The following CDH19 variants were observed in gnomAD, a reference collection of about 807,000 sequenced individuals.
The protein encoded by CDH19 is cadherin-19.
Under a neutral mutation model 64.2 loss-of-function variants are expected in CDH19, and 67 were observed. The observed-to-expected ratio is 1.04, with a 90% CI of 0.86 to 1.28. The LOEUF (loss-of-function observed/expected upper bound fraction) is 1.28. CDH19 is among the 50% of genes most tolerant of loss of function. The pLI, the probability that CDH19 is intolerant of heterozygous loss-of-function variation, is 0.00. For missense variants in CDH19, 1,030 were observed against 929.0 expected, an observed-to-expected ratio of 1.11 and a Z score of -1.41; for synonymous variants, 346 against 319.3, an observed-to-expected ratio of 1.08 and a Z score of -0.89.
chr18:66,528,688 T>A (rs990191357), intron 9 of CDH19, among the ~76,000 whole-genome samples: 3 of 152,130 alleles, frequency 2.0e-5, no homozygotes, highest in African/African-American at 7.2e-5. Context: ...TGTTGCAGTT[T>A]AATAATCAGT....
At chr18:66,560,985 C>T (rs1987701004) in intron 3 of CDH19, among the ~76,000 whole-genome samples, 1 of 151,996 alleles carries the variant, frequency 6.6e-6, no homozygotes, top group African/African-American at 2.4e-5. Context: ...AAGATTTTAA[C>T]ATTAAATATA....
At chr18:66,602,167 A>G (rs1230370914) in intron 1 of CDH19, among the ~76,000 whole-genome samples, 1 of 152,018 alleles carries the variant, frequency 6.6e-6, no homozygotes, top group East Asian at 1.9e-4. Context: ...AAAGATCAAT[A>G]TCTCCTTTTA....
At chr18:66,549,791 GCA>G (rs1314242787) in intron 5 of CDH19, among the ~76,000 whole-genome samples, 1 of 151,942 alleles carries the variant, frequency 6.6e-6, no homozygotes, top group East Asian at 1.9e-4. Context: ...TTGTGTGTGC[GCA>G]CACACATTAA....
intron 5 of CDH19, among the ~76,000 whole-genome samples, chr18:66,545,387 C>CCTTT (rs1031476171): frequency 4.7e-5 from 7 of 148,258 alleles, no homozygotes; most frequent in African/African-American, 1.8e-4. Context: ...TTCTCTTTTT[C>CCTTT]CTTTCTTTCT....
At chr18:66,545,227 C>T (rs1232939107) in intron 5 of CDH19, among the ~76,000 whole-genome samples, 1 of 152,002 alleles carries the variant, frequency 6.6e-6, no homozygotes, top group Non-Finnish European at 1.5e-5. Flanking sequence ...ATCCACCTGC[C>T]TCGGCCTCCC....
intron 9 of CDH19, among the ~76,000 whole-genome samples, chr18:66,525,266 T>G (rs1598980631): frequency 1.3e-5 from 2 of 152,216 alleles, no homozygotes; most frequent in East Asian, 3.9e-4. Flanking sequence ...AAAAACTACT[T>G]ATACAGAGAT....
chr18:66,505,247 A>C lies in CDH19; in HGVS notation c.1884T>G (p.Pro628=), dbSNP rs1032154631. The change falls in exon 12 of 12, where the codon CCT becomes CCG. Residue 628 remains proline, a synonymous_variant. Transcript: ENST00000262150. ...LKQRRKQILF[P]EKSEDFRENI... Reference sequence around the variant, plus strand: ...TCTCTCTGAAATCTTCACTTTTCTCAGGAAATAGAATCTGTTTTCTCCGTT... The same window carrying C: ...TCTCTCTGAAATCTTCACTTTTCTCCGGAAATAGAATCTGTTTTCTCCGTT... 1 of 1,596,528 alleles carries C rather than the reference A, an allele frequency of 6.3e-7. No homozygotes were observed. Among genetic ancestry groups the C allele is most frequent in the Non-Finnish European group, 8.5e-7 (1 of 1,174,738 alleles).
chr18:66,572,010 C>A lies in CDH19; in HGVS notation c.195G>T (p.Gln65His). The A allele has an allele frequency of 6.2e-7, 1 of 1,602,538 alleles. No individual in the cohort carries two copies. The highest frequency in any genetic ancestry group is 8.5e-7 in the Non-Finnish European group (1 of 1,171,846). The change falls in exon 2 of 12, where the codon CAG (glutamine) becomes CAT (histidine). Residue 65 changes from glutamine to histidine, a missense_variant and splice_region_variant. Physicochemically the swap from Gln to His is conservative, Grantham distance 24. Transcript: ENST00000262150. Reference sequence around the variant, plus strand: ...TGTAACATTTTAAATAAATAAGTACCTGGCCGATGTGATGACTAGTCGTAT... The same window carrying A: ...TGTAACATTTTAAATAAATAAGTACATGGCCGATGTGATGACTAGTCGTAT... ...EMNTTSHHIG[Q>H]LRSDLDNGNN...
chr18:66,526,498 T>A (rs949152269), intron 9 of CDH19, among the ~76,000 whole-genome samples: 3 of 152,102 alleles, frequency 2.0e-5, no homozygotes, highest in Non-Finnish European at 4.4e-5. Flanking sequence ...ATTTTTGTGG[T>A]TGTTATAGAG....
chr18:66,554,516 C>T lies in CDH19; in HGVS notation c.499G>A (p.Val167Ile), dbSNP rs148180409. 6.8e-6 allele frequency: 11 copies of T among 1,610,508 alleles called. No individual in the cohort carries two copies. Among genetic ancestry groups the T allele is most frequent in the Non-Finnish European group, 9.3e-6 (11 of 1,177,680 alleles). ...GCATCACTTGCTGTCACCTGGATAACTAATGTTCCTAAAGAGAACATAATA... is the reference window on the plus strand; with the variant it reads ...GCATCACTTGCTGTCACCTGGATAATTAATGTTCCTAAAGAGAACATAATA... ...VPEMSPEGTL[V>I]IQVTASDADD... is the part of the protein sequence containing the mutation. Residue 167 changes from valine to isoleucine, a missense_variant, in exon 4 of 12, where the codon GTT becomes ATT. By Grantham distance (29) the Val-to-Ile change is conservative. Transcript: ENST00000262150.
intron 1 of CDH19, among the ~76,000 whole-genome samples, chr18:66,594,151 T>C (rs976013871): frequency 5.9e-5 from 9 of 151,764 alleles, no homozygotes; most frequent in Non-Finnish European, 1.2e-4. Context: ...CAGACAACTA[T>C]CAAAAACGAC....
rs757433699 is a variant in CDH19 at position 66,505,087 on chromosome 18, A to G, written c.2044T>C (p.Tyr682His). The stretch of plus-strand genomic sequence containing the variant: ...GGGCCAACTTGCAAAGACTGCCTGT[A>G]TAGGCTCCTGATCTCAGCGCTTGTG... ...KTTSAEIRSLYRQSLQVGPDS... is the reference protein window; with the variant it reads ...KTTSAEIRSLHRQSLQVGPDS... Residue 682 changes from tyrosine to histidine, a missense_variant, in exon 12 of 12, where the codon TAC becomes CAC. By Grantham distance (83) the Tyr-to-His change is moderately conservative. Transcript: ENST00000262150. 1.9e-6 allele frequency: 3 copies of G among 1,613,662 alleles called. No homozygotes were observed. Among genetic ancestry groups the G allele is most frequent in the Non-Finnish European group, 2.5e-6 (3 of 1,179,758 alleles).
chr18:66,597,046 C>T (rs1988912482), intron 1 of CDH19, among the ~76,000 whole-genome samples: 1 of 130,162 alleles, frequency 7.7e-6, no homozygotes, highest in African/African-American at 2.8e-5. Context: ...CCCGCCACTG[C>T]ACTCCAGCCT....
rs572345890 is a variant in CDH19, at chr18:66,574,502, A to G, written c.-112-2186T>C. 5.5e-4 allele frequency among the ~76,000 whole-genome samples: 81 copies of G among 148,236 alleles called. 1 individual carries two copies. Among genetic ancestry groups the G allele is most frequent in the Admixed American group, 1.3e-3 (19 of 14,674 alleles). On this transcript the variant is annotated intron_variant, in intron 1 of 11. Coordinates refer to ENST00000262150, the MANE Select transcript of CDH19 (RefSeq NM_021153.4). ...TTAATGGCATATTATTCACACTGAG[A>G]AAAAAAAACAGTTAAACTGAAGACA... is the stretch of plus-strand genomic sequence containing the variant.
chr18:66,569,092 C>A (rs1278404257), intron 2 of CDH19, among the ~76,000 whole-genome samples: 2 of 151,482 alleles, frequency 1.3e-5, no homozygotes. Flanking sequence ...GATAGAAAGA[C>A]AATTTAGTGA....
In CDH19 at chr18:66,505,871, T is replaced by G. The variant is rs186657467; in HGVS notation, c.1829-569A>C. Among the ~76,000 whole-genome samples, 39 of 152,046 alleles carry G rather than the reference T, an allele frequency of 2.6e-4. No individual in the cohort carries two copies. In the East Asian group the frequency reaches 5.8e-3, roughly 23 times the overall value. Reference sequence around the variant, plus strand: ...CTTTATATTTATTGATTGATTTTATTCTTGTGAAAGTCATTATATTATTAT... The same window carrying G: ...CTTTATATTTATTGATTGATTTTATGCTTGTGAAAGTCATTATATTATTAT... On this transcript the variant is annotated intron_variant, in intron 11 of 11. Transcript: ENST00000262150.
chr18:66,579,466 C>T (rs192480195), intron 1 of CDH19, among the ~76,000 whole-genome samples: 5 of 152,162 alleles, frequency 3.3e-5, no homozygotes, highest in Admixed American at 3.3e-4. Context: ...CATCTTACTA[C>T]AGATGCGAAA....
intron 1 of CDH19, among the ~76,000 whole-genome samples, chr18:66,589,674 T>C (rs918695558): frequency 4.1e-5 from 6 of 146,390 alleles, no homozygotes; most frequent in African/African-American, 1.5e-4. Context: ...TATTTTGTTA[T>C]GGAAAAGATA....
At position 66,568,287 on chromosome 18, in the gene CDH19, T is replaced by C. The variant is rs1194346874; in HGVS notation, c.490+129A>G. 4 of 658,830 alleles carry C rather than the reference T, an allele frequency of 6.1e-6. 1 individual carries two copies. The highest frequency in any genetic ancestry group is 5.0e-6 in the Non-Finnish European group (2 of 403,442). The allele number at this position is 658,830 out of a possible 1,614,324, so 40.8% of individuals were successfully genotyped here. A position where few individuals can be genotyped will look rare whatever the true frequency, so the allele number is the denominator to read the frequency against. ...GCATAGTCTAATTTTTCAAATATTT[T>C]ACTTAAACATATTTGTAGAAGGAAG... On this transcript the variant is annotated intron_variant, in intron 3 of 11. Coordinates refer to ENST00000262150, the MANE Select transcript of CDH19 (RefSeq NM_021153.4).
Sources: allele counts gnomAD v4.1 joint callset (sites outside exome capture counted in the v4.1 genomes callset), GRCh38; gene constraint gnomAD v4.1.1; transcripts MANE v1.5; gene names NCBI Gene and HGNC (gene_info 2026-07-23, HGNC 2026-07-21).